The following TMTC1 variants were observed in gnomAD, a reference collection of about 807,000 sequenced individuals.
TMTC1 encodes the protein transmembrane O-mannosyltransferase targeting cadherins 1.
A neutral mutation model predicts 104.8 loss-of-function variants in TMTC1; 73 were observed. That is an observed-to-expected ratio of 0.70 (90% CI 0.58 to 0.85). The LOEUF (loss-of-function observed/expected upper bound fraction) is 0.85. Ranked by LOEUF, TMTC1 falls within the 40% of genes least tolerant of loss-of-function variation. TMTC1 has a pLI of 0.00. For synonymous variants in TMTC1, 434 were observed against 428.7 expected (o/e 1.01, Z -0.15); for missense variants, 1,035 against 1,096.1 (o/e 0.94, Z 0.79).
chr12:29,661,239 A>T, intron 5 of TMTC1: 2 of 428,604 alleles, frequency 4.7e-6, no homozygotes, highest in Non-Finnish European at 6.2e-6. Flanking sequence ...AATCCCAAAT[A>T]ACCCAGTCAT....
rs1281599697 is a variant in TMTC1 at position 29,644,139 on chromosome 12, GTGTGTGTGTGTATA to G, written c.939-10817_939-10804del. On this transcript the variant is annotated intron_variant, in intron 5 of 17. Transcript: ENST00000539277. ...TGTGTGTGTGTGTGTGTGTGTGTGT[GTGTGTGTGTGTATA>G]TATATATATAATGAAATACTAAACA... Among the ~76,000 whole-genome samples, 23 of 102,148 alleles carry G rather than the reference GTGTGTGTGTGTATA, an allele frequency of 2.3e-4. 2 individuals are homozygous for G. The highest frequency in any genetic ancestry group is 7.1e-4 in the African/African-American group (18 of 25,290). 67.0% of individuals were successfully genotyped at this position (102,148 alleles called of 152,430 possible).
intron 5 of TMTC1, among the ~76,000 whole-genome samples, chr12:29,664,779 T>C (rs772314302): frequency 2.6e-5 from 4 of 152,218 alleles, no homozygotes; most frequent in Non-Finnish European, 5.9e-5. Flanking sequence ...AACTATAAGA[T>C]AAAGTACCTA....
At chr12:29,687,654 A>G (rs2113878) in intron 5 of TMTC1, among the ~76,000 whole-genome samples, 21,042 of 152,192 alleles carry the variant, frequency 0.14, 1,730 homozygotes, top group East Asian at 0.34. Flanking sequence ...CTAATTAGCT[A>G]GGACTGTCAC....
intron 2 of TMTC1, among the ~76,000 whole-genome samples, chr12:29,764,928 C>T (rs115542701): frequency 0.013 from 1,978 of 152,234 alleles, 47 homozygotes; most frequent in African/African-American, 0.045. Context: ...GTTTTATGCA[C>T]TCTCTCTCTG....
intron 5 of TMTC1, among the ~76,000 whole-genome samples, chr12:29,634,464 A>AGC (rs1938452972): frequency 1.6e-4 from 2 of 12,726 alleles, no homozygotes; most frequent in African/African-American, 2.1e-4. Flanking sequence ...ACACTACTGA[A>AGC]AACCCCCACT....
intron 1 of TMTC1, among the ~76,000 whole-genome samples, chr12:29,776,122 G>T (rs1005748577): frequency 5.9e-5 from 9 of 152,230 alleles, no homozygotes; most frequent in Non-Finnish European, 1.2e-4. Flanking sequence ...AGGAACCTGA[G>T]ATTGGAGTGT....
chr12:29,732,747 T>C (rs1378825827), intron 5 of TMTC1, among the ~76,000 whole-genome samples: 2 of 152,168 alleles, frequency 1.3e-5, no homozygotes, highest in Non-Finnish European at 2.9e-5. Context: ...TAAAGGGCTC[T>C]TGGTGCAGAG....
At chr12:29,581,752 T>C (rs954428582) in intron 8 of TMTC1, among the ~76,000 whole-genome samples, 1 of 152,150 alleles carries the variant, frequency 6.6e-6, no homozygotes, top group East Asian at 1.9e-4. Context: ...GTAAAAGCTC[T>C]GACTAGTGAA....
At chr12:29,602,872 T>C (rs1208709670) in intron 7 of TMTC1, among the ~76,000 whole-genome samples, 1 of 152,136 alleles carries the variant, frequency 6.6e-6, no homozygotes, top group Non-Finnish European at 1.5e-5. Flanking sequence ...AGGGGCTCTA[T>C]GAATATCTAT....
intron 10 of TMTC1, among the ~76,000 whole-genome samples, chr12:29,537,867 A>C (rs893248973): frequency 6.6e-6 from 1 of 152,222 alleles, no homozygotes; most frequent in African/African-American, 2.4e-5. Context: ...TTGTTACATA[A>C]GGCAATTTCA....
At chr12:29,592,936 G>GT (rs1946318572) in intron 7 of TMTC1, among the ~76,000 whole-genome samples, 2 of 152,150 alleles carry the variant, frequency 1.3e-5, no homozygotes, top group Admixed American at 6.5e-5. Flanking sequence ...CCAGGTTACC[G>GT]TAAGTATAGT....
rs1217068024 is a variant in TMTC1 at position 29,568,857 on chromosome 12, C to T, written c.1532+3248G>A. 14 of 454,058 alleles carry T rather than the reference C, an allele frequency of 3.1e-5. No individual in the cohort carries two copies. The Admixed American group carries it at 3.3e-4, about 11-fold the overall frequency. The allele number at this position is 454,058 out of a possible 1,614,324, so 28.1% of individuals were successfully genotyped here. ...TGGTCTCTGGACTTTCTACTCCCAT[C>T]ACACAAGGTAGAATGTTAGAAACCT... On this transcript the variant is annotated intron_variant, in intron 9 of 17. Transcript: ENST00000539277.
At chr12:29,707,466 G>A (rs1419817345) in intron 5 of TMTC1, among the ~76,000 whole-genome samples, 1 of 151,992 alleles carries the variant, frequency 6.6e-6, no homozygotes, top group Non-Finnish European at 1.5e-5. Flanking sequence ...TCCAGGCATC[G>A]CGTCCTCTAC....
intron 6 of TMTC1, among the ~76,000 whole-genome samples, chr12:29,619,944 A>C (rs1368774693): frequency 6.6e-6 from 1 of 152,234 alleles, no homozygotes; most frequent in Non-Finnish European, 1.5e-5. Context: ...TAAAGGATGA[A>C]GGGAGGTGGG....
chr12:29,504,739 C>T lies in TMTC1; in HGVS notation c.*2107G>A, dbSNP rs986711985. Reference sequence around the variant, plus strand: ...CTGTTATTCCAACAAATGTACTCTCCTACCTTTATTAGCACTTCAAGTAAG... The same window carrying T: ...CTGTTATTCCAACAAATGTACTCTCTTACCTTTATTAGCACTTCAAGTAAG... On this transcript the variant is annotated 3_prime_UTR_variant, in exon 18 of 18. Transcript: ENST00000539277. 6.6e-6 allele frequency: 1 copy of T among 152,134 alleles called. No individual in the cohort carries two copies. Among genetic ancestry groups the T allele is most frequent in the Non-Finnish European group, 1.5e-5 (1 of 68,028 alleles). 9.4% of individuals were successfully genotyped at this position (152,134 alleles called of 1,614,324 possible).
intron 6 of TMTC1, among the ~76,000 whole-genome samples, chr12:29,632,809 T>C (rs1938362807): frequency 6.6e-6 from 1 of 152,216 alleles, no homozygotes; most frequent in African/African-American, 2.4e-5. Flanking sequence ...CTCATGAAAG[T>C]AGAGTCTTAA....
At chr12:29,733,817 C>T (rs948518049) in intron 5 of TMTC1, among the ~76,000 whole-genome samples, 3 of 152,176 alleles carry the variant, frequency 2.0e-5, no homozygotes, top group Non-Finnish European at 4.4e-5. Context: ...ACACATCATG[C>T]TCTTTTCTTC....
intron 5 of TMTC1, among the ~76,000 whole-genome samples, chr12:29,701,302 C>T (rs944962875): frequency 2.6e-5 from 4 of 152,136 alleles, no homozygotes; most frequent in Admixed American, 2.0e-4. Context: ...CCTGCATCCT[C>T]GAAGTCCACC....
At chr12:29,748,866 A>G (rs916059173) in intron 5 of TMTC1, among the ~76,000 whole-genome samples, 2 of 152,224 alleles carry the variant, frequency 1.3e-5, no homozygotes, top group African/African-American at 4.8e-5. Context: ...AAAATTAAAT[A>G]TGTCATATTT....
Sources: allele counts gnomAD v4.1 joint callset (sites outside exome capture counted in the v4.1 genomes callset), GRCh38; gene constraint gnomAD v4.1.1; transcripts MANE v1.5; gene names NCBI Gene and HGNC (gene_info 2026-07-23, HGNC 2026-07-21).